CHODL: variants seen among roughly 807,000 people sequenced by gnomAD.
CHODL encodes chondrolectin.
CHODL carries 29 observed loss-of-function variants against 34.5 expected under a neutral mutation model. The ratio of observed to expected loss-of-function variants is 0.84; its 90% CI spans 0.63 to 1.15. The LOEUF (loss-of-function observed/expected upper bound fraction) is 1.15, where lower values mean the gene tolerates loss of function less well. CHODL is among the 50% of genes most tolerant of loss of function. The pLI, the probability that CHODL is intolerant of heterozygous loss-of-function variation, is 0.00. For synonymous variants in CHODL, 125 were observed against 116.1 expected, an observed-to-expected ratio of 1.08 and a Z score of -0.49; for missense variants, 332 against 332.5, an observed-to-expected ratio of 1.00 and a Z score of 0.01.
chr21:18,176,775 T>C (rs970446065), intron 2 of CHODL, among the ~76,000 whole-genome samples: 2 of 152,166 alleles, frequency 1.3e-5, no homozygotes, highest in African/African-American at 4.8e-5. Flanking sequence ...AGGAATGTTA[T>C]GATCAAAGAT....
intron 2 of CHODL, among the ~76,000 whole-genome samples, chr21:18,198,705 G>A (rs985445593): frequency 1.3e-5 from 2 of 151,966 alleles, no homozygotes; most frequent in African/African-American, 4.8e-5. Context: ...TCCAGGATGT[G>A]CCCATTATAT....
At chr21:18,012,542 A>T (rs2064029083) in intron 1 of CHODL, among the ~76,000 whole-genome samples, 1 of 152,246 alleles carries the variant, frequency 6.6e-6, no homozygotes, top group Non-Finnish European at 1.5e-5. Context: ...ATAGTTGGAC[A>T]TGTGAGTAAA....
intron 2 of CHODL, among the ~76,000 whole-genome samples, chr21:18,136,115 AAAAG>A (rs1419801333): frequency 6.8e-6 from 1 of 146,580 alleles, no homozygotes; most frequent in Non-Finnish European, 1.5e-5. Flanking sequence ...CAAAAAAAAA[AAAAG>A]AAAAAGAAAA....
At chr21:18,074,913 C>T (rs1396966524) in intron 2 of CHODL, among the ~76,000 whole-genome samples, 3 of 151,984 alleles carry the variant, frequency 2.0e-5, no homozygotes, top group Non-Finnish European at 4.4e-5. Context: ...TGACTAAGGA[C>T]CAGATGTAAC....
chr21:18,013,864 A>G (rs936607156), intron 1 of CHODL, among the ~76,000 whole-genome samples: 2 of 150,902 alleles, frequency 1.3e-5, no homozygotes, highest in African/African-American at 2.4e-5. Context: ...CGAACTCCTG[A>G]CCTCAGGTGA....
intron 1 of CHODL, among the ~76,000 whole-genome samples, chr21:18,002,263 ATTC>A (rs1490654491): frequency 2.6e-5 from 4 of 152,314 alleles, no homozygotes; most frequent in African/African-American, 9.6e-5. Context: ...CTAGCTATTT[ATTC>A]TTCTTTAAAA....
intron 2 of CHODL, among the ~76,000 whole-genome samples, chr21:18,189,260 T>C (rs2146688654): frequency 6.6e-6 from 1 of 152,354 alleles, no homozygotes; most frequent in African/African-American, 2.4e-5. Context: ...TAAAGTTTTG[T>C]TCAAAATGAT....
At chr21:18,013,582 C>T (rs2064039612) in intron 1 of CHODL, among the ~76,000 whole-genome samples, 1 of 145,536 alleles carries the variant, frequency 6.9e-6, no homozygotes, top group African/African-American at 2.6e-5. Context: ...GTACCCAAGA[C>T]AATGATAAGT....
intron 1 of CHODL, among the ~76,000 whole-genome samples, chr21:17,945,448 T>C (rs2063399431): frequency 6.6e-6 from 1 of 151,992 alleles, no homozygotes; most frequent in African/African-American, 2.4e-5. Context: ...AGATGAAGAA[T>C]ACAATGATTA....
At chr21:18,256,386 A>G (rs1042891841) in intron 1 of CHODL, 123 bp from the exon 2 acceptor site, 2 of 944,352 alleles carry the variant, frequency 2.1e-6, no homozygotes, top group South Asian at 1.9e-5. Flanking sequence ...GAAATAATTC[A>G]GTGGGAGAAG....
chr21:18,204,305 T>G (rs2073688340), intron 2 of CHODL, among the ~76,000 whole-genome samples: 1 of 152,168 alleles, frequency 6.6e-6, no homozygotes, highest in Non-Finnish European at 1.5e-5. Flanking sequence ...GCATCTTCTT[T>G]TTTGTGTTTT....
intron 1 of CHODL, among the ~76,000 whole-genome samples, chr21:18,008,877 T>C (rs1303027750): frequency 6.6e-6 from 1 of 152,184 alleles, no homozygotes; most frequent in Non-Finnish European, 1.5e-5. Context: ...AAAAACTTCA[T>C]TCAAATAGAT....
chr21:17,966,076 T>C (rs2063570098), intron 1 of CHODL, among the ~76,000 whole-genome samples: 1 of 152,056 alleles, frequency 6.6e-6, no homozygotes, highest in Non-Finnish European at 1.5e-5. Flanking sequence ...GGAATCCACC[T>C]CTGCATATGC....
intron 2 of CHODL, among the ~76,000 whole-genome samples, chr21:18,191,681 A>C (rs1393181741): frequency 6.6e-6 from 1 of 152,184 alleles, no homozygotes; most frequent in Non-Finnish European, 1.5e-5. Flanking sequence ...AGAAGTACTT[A>C]AGTCAAAGAA....
At chr21:17,965,282 T>C (rs2063562908) in intron 1 of CHODL, among the ~76,000 whole-genome samples, 1 of 152,174 alleles carries the variant, frequency 6.6e-6, no homozygotes, top group Admixed American at 6.5e-5. Flanking sequence ...CAATGGTGTA[T>C]TGAAAAAATA....
chr21:18,111,508 C>G (rs1372469585), intron 2 of CHODL, among the ~76,000 whole-genome samples: 1 of 152,128 alleles, frequency 6.6e-6, no homozygotes, highest in Non-Finnish European at 1.5e-5. Context: ...TTTTATGTCA[C>G]CTGGACTCAG....
chr21:18,251,653 ATATT>A lies in CHODL; in HGVS notation c.80-4850_80-4847del, dbSNP rs1237265107. Among the ~76,000 whole-genome samples, 4 of 114,134 alleles carry A rather than the reference ATATT, an allele frequency of 3.5e-5. No homozygotes were observed. The South Asian group carries it at 7.1e-4, about 20-fold the overall frequency. The allele number at this position is 114,134 out of a possible 152,430, so 74.9% of individuals were successfully genotyped here. On this transcript the variant is annotated intron_variant, in intron 1 of 5. Transcript: ENST00000299295. ...TTATTTATTTATTTTAATATATAAA[ATATT>A]TATTTTATTTATTTATTTTAATATA...
At chr21:18,189,350 AT>A (rs2146688781) in intron 2 of CHODL, among the ~76,000 whole-genome samples, 1 of 152,252 alleles carries the variant, frequency 6.6e-6, no homozygotes, top group South Asian at 2.1e-4. Context: ...TTAAAAAATC[AT>A]TTTTTTGAAT....
At chr21:18,019,548 A>G (rs1326666606) in intron 1 of CHODL, among the ~76,000 whole-genome samples, 1 of 152,202 alleles carries the variant, frequency 6.6e-6, no homozygotes, top group Non-Finnish European at 1.5e-5. Context: ...TGTGATTATT[A>G]TACATTGTAT....
Sources: allele counts gnomAD v4.1 joint callset (sites outside exome capture counted in the v4.1 genomes callset), GRCh38; gene constraint gnomAD v4.1.1; transcripts MANE v1.5; gene names NCBI Gene and HGNC (gene_info 2026-07-23, HGNC 2026-07-21).